The following VAX2 variants were observed in gnomAD, a reference collection of about 807,000 sequenced individuals.
The protein encoded by VAX2 is ventral anterior homeobox 2.
A neutral mutation model predicts 12.5 loss-of-function variants in VAX2; 8 were observed. The observed-to-expected ratio is 0.64, with a 90% CI of 0.37 to 1.15. The LOEUF (loss-of-function observed/expected upper bound fraction) is 1.15. Ranked by LOEUF, VAX2 falls within the 50% of genes most tolerant of loss-of-function variation. The pLI, the probability that VAX2 is intolerant of heterozygous loss-of-function variation, is 0.01. For synonymous variants in VAX2, 183 were observed against 187.6 expected, an observed-to-expected ratio of 0.98 and a Z score of 0.20; for missense variants, 476 against 412.9, an observed-to-expected ratio of 1.15 and a Z score of -1.32.
chr2:70,910,110 C>T (rs578007712), intron 1 of VAX2, among the ~76,000 whole-genome samples: 3 of 151,332 alleles, frequency 2.0e-5, no homozygotes, highest in South Asian at 4.2e-4. Context: ...TTTAAGAGTC[C>T]CCCCTTTTTA....
intron 2 of VAX2, among the ~76,000 whole-genome samples, chr2:70,927,813 G>T (rs976818728): frequency 2.0e-5 from 3 of 152,028 alleles, no homozygotes; most frequent in East Asian, 1.9e-4. Flanking sequence ...GATCGCGGAG[G>T]GGGGCGGGGC....
intron 1 of VAX2, among the ~76,000 whole-genome samples, chr2:70,920,642 CAG>C (rs1553412702): frequency 5.0e-4 from 27 of 54,056 alleles, no homozygotes; most frequent in Non-Finnish European, 7.1e-4. Flanking sequence ...CATGCATGCA[CAG>C]ACACACACAC....
rs80222542 is a variant in VAX2 at position 70,912,764 on chromosome 2, T to C, written c.248-8334T>C. Among the ~76,000 whole-genome samples, 1,186 of 152,130 alleles carry C rather than the reference T, an allele frequency of 7.8e-3. 12 individuals are homozygous for C. Among genetic ancestry groups the C allele is most frequent in the Non-Finnish European group, 0.012 (842 of 67,990 alleles). ...GCTTTGGAGGTGGGGGGGATGTCTA[T>C]TGGGAGAGGTGCCAGAGGGGCACCA... is the stretch of plus-strand genomic sequence containing the variant. On this transcript the variant is annotated intron_variant, in intron 1 of 2. Coordinates refer to ENST00000234392, the MANE Select transcript of VAX2 (RefSeq NM_012476.3).
At chr2:70,924,909 A>T (rs781839170) in intron 2 of VAX2, among the ~76,000 whole-genome samples, 28 of 152,096 alleles carry the variant, frequency 1.8e-4, no homozygotes, top group Non-Finnish European at 3.7e-4. Flanking sequence ...TAGGAGAGAG[A>T]CTAAAAGGAA....
At chr2:70,921,933 T>C (rs1304300406) in intron 2 of VAX2, among the ~76,000 whole-genome samples, 1 of 152,078 alleles carries the variant, frequency 6.6e-6, no homozygotes, top group African/African-American at 2.4e-5. Context: ...ATACTACCAC[T>C]ACTACTACTA....
At chr2:70,909,033 T>A (rs985931094) in intron 1 of VAX2, among the ~76,000 whole-genome samples, 1 of 152,242 alleles carries the variant, frequency 6.6e-6, no homozygotes, top group Non-Finnish European at 1.5e-5. Flanking sequence ...CTTTTCCTTA[T>A]TGATCTGTAG....
chr2:70,932,731 C>A (rs782129347), intron 2 of VAX2, 36 bp from the exon 3 acceptor site: 2 of 1,463,142 alleles, frequency 1.4e-6, no homozygotes, highest in African/African-American at 2.9e-5. Flanking sequence ...TTGCCTGTCC[C>A]ATCTCCCTCC....
At chr2:70,922,064 C>T (rs1036138952) in intron 2 of VAX2, among the ~76,000 whole-genome samples, 3 of 152,222 alleles carry the variant, frequency 2.0e-5, no homozygotes, top group African/African-American at 7.2e-5. Flanking sequence ...GAAGTTATGC[C>T]CAAGGTCAGA....
chr2:70,929,415 G>A (rs1401852625), intron 2 of VAX2, among the ~76,000 whole-genome samples: 1 of 152,246 alleles, frequency 6.6e-6, no homozygotes, highest in African/African-American at 2.4e-5. Context: ...AAGGCCTGGA[G>A]CGGTGGCTCA....
At chr2:70,926,474 T>C (rs1679576005) in intron 2 of VAX2, among the ~76,000 whole-genome samples, 1 of 152,224 alleles carries the variant, frequency 6.6e-6, no homozygotes, top group South Asian at 2.1e-4. Context: ...AGAAACCTTC[T>C]GATACACCTT....
chr2:70,911,754 G>A (rs901716120), intron 1 of VAX2, among the ~76,000 whole-genome samples: 2 of 151,998 alleles, frequency 1.3e-5, no homozygotes, highest in African/African-American at 4.8e-5. Context: ...AATTTGTTCG[G>A]TTTCCCACTG....
chr2:70,917,617 AT>A (rs1266848360), intron 1 of VAX2, among the ~76,000 whole-genome samples: 41 of 151,980 alleles, frequency 2.7e-4, no homozygotes, highest in Admixed American at 2.4e-3. Context: ...AATGTTGAAC[AT>A]TTTTCATGTG....
At chr2:70,901,062 G>C (rs1326278310) in intron 1 of VAX2, among the ~76,000 whole-genome samples, 194 bp downstream of exon 1, 4 of 152,262 alleles carry the variant, frequency 2.6e-5, no homozygotes, top group African/African-American at 9.6e-5. Flanking sequence ...ACAAAGCAGC[G>C]AATGGGACCG....
At chr2:70,908,868 G>A (rs1166106751) in intron 1 of VAX2, among the ~76,000 whole-genome samples, 1 of 152,108 alleles carries the variant, frequency 6.6e-6, no homozygotes, top group African/African-American at 2.4e-5. Flanking sequence ...TATTCTGCAG[G>A]AGAAGTTTAG....
intron 1 of VAX2, among the ~76,000 whole-genome samples, chr2:70,914,441 AC>A (rs1679264162): frequency 6.6e-6 from 1 of 152,156 alleles, no homozygotes; most frequent in Admixed American, 6.5e-5. Flanking sequence ...ACAGAGTGAG[AC>A]TCTATCTCAA....
Position 70,933,364 on chromosome 2 carries a change from T to G in VAX2, c.*160T>G. The G allele has an allele frequency of 3.3e-6, 2 of 611,444 alleles. No individual in the cohort carries two copies. Among genetic ancestry groups the G allele is most frequent in the Non-Finnish European group, 5.1e-6 (2 of 395,354 alleles). The allele number at this position is 611,444 out of a possible 1,614,324, so 37.9% of individuals were successfully genotyped here. ...GAGACTCGTGACCAAATGGCCTTGG[T>G]CCCGCAGCTTGTGTGCGTGAGTGCA... On this transcript the variant is annotated 3_prime_UTR_variant, in exon 3 of 3. Transcript: ENST00000234392.
At chr2:70,926,639 T>C (rs144604789) in intron 2 of VAX2, among the ~76,000 whole-genome samples, 175 of 152,306 alleles carry the variant, frequency 1.1e-3, no homozygotes, top group African/African-American at 4.0e-3. Context: ...GTCAGATTTC[T>C]AGGGAAGACC....
At position 70,900,583 on chromosome 2, in the gene VAX2, G is replaced by C. The variant is rs755470312; in HGVS notation, c.-39G>C. The C allele has an allele frequency of 6.5e-6, 8 of 1,238,354 alleles. No individual in the cohort carries two copies. The highest frequency in any genetic ancestry group is 8.1e-6 in the Non-Finnish European group (8 of 991,412). 76.7% of individuals were successfully genotyped at this position (1,238,354 alleles called of 1,614,324 possible). A position where few individuals can be genotyped will look rare whatever the true frequency, so the allele number is the denominator to read the frequency against. ...GGAGCGGCGCTCCCGGCCAGCGTAG[G>C]CTGGCTCCGCCGTAGAGGGGTTGGC... On this transcript the variant is annotated 5_prime_UTR_variant, in exon 1 of 3. Coordinates refer to ENST00000234392, the MANE Select transcript of VAX2 (RefSeq NM_012476.3).
At chr2:70,921,019 C>T (rs1239590634) in intron 1 of VAX2, 79 bp from the exon 2 acceptor site, 2 of 1,420,670 alleles carry the variant, frequency 1.4e-6, no homozygotes, top group South Asian at 1.5e-5. Flanking sequence ...TAGATCACAC[C>T]ACCTTTTATT....
Sources: gnomAD v4.1 joint callset for allele counts (sites outside exome capture counted in the v4.1 genomes callset) on GRCh38, gnomAD v4.1.1 for gene constraint, MANE v1.5 for transcripts, NCBI Gene and HGNC (gene_info 2026-07-23, HGNC 2026-07-21) for gene names.